The following ADAMTS12 variants were observed in gnomAD, a reference collection of about 807,000 sequenced individuals.
The protein encoded by ADAMTS12 is ADAM metallopeptidase with thrombospondin type 1 motif 12, also known as A disintegrin and metalloproteinase with thrombospondin motifs 12.
In ADAMTS12, 118 loss-of-function variants were observed where a neutral mutation model predicts 167.8. That is an observed-to-expected ratio of 0.70 (90% confidence interval 0.61 to 0.82). The LOEUF is 0.82. Ranked by LOEUF, ADAMTS12 falls within the 40% of genes least tolerant of loss-of-function variation. The pLI, the probability that ADAMTS12 is intolerant of heterozygous loss-of-function variation, is 0.00. For synonymous variants in ADAMTS12, 704 were observed against 716.9 expected, an observed-to-expected ratio of 0.98 and a Z score of 0.29; for missense variants, 1,916 against 1,998.8, an observed-to-expected ratio of 0.96 and a Z score of 0.79.
At chr5:33,563,221 G>T (rs1745832931) in intron 19 of ADAMTS12, among the ~76,000 whole-genome samples, 1 of 152,152 alleles carries the variant, frequency 6.6e-6, no homozygotes, top group South Asian at 2.1e-4. Context: ...ACTATAGATT[G>T]ATAGCACTAA....
chr5:33,564,553 CA>C (rs1197813720), intron 19 of ADAMTS12, among the ~76,000 whole-genome samples: 3 of 152,112 alleles, frequency 2.0e-5, no homozygotes, highest in African/African-American at 4.8e-5. Context: ...ATGTCTTGTG[CA>C]ACAGTGTGTG....
At chr5:33,870,230 G>A (rs1749985602) in intron 2 of ADAMTS12, among the ~76,000 whole-genome samples, 1 of 152,154 alleles carries the variant, frequency 6.6e-6, no homozygotes, top group Admixed American at 6.5e-5. Context: ...ACAGGGTCCT[G>A]AGGCGACATA....
intron 2 of ADAMTS12, among the ~76,000 whole-genome samples, chr5:33,804,737 G>A (rs1747156316): frequency 6.6e-6 from 1 of 152,180 alleles, no homozygotes; most frequent in Admixed American, 6.5e-5. Flanking sequence ...CAGTGAGGTG[G>A]GTGAAGGGTG....
intron 5 of ADAMTS12, among the ~76,000 whole-genome samples, chr5:33,666,395 G>A (rs1741468514): frequency 1.3e-5 from 2 of 152,244 alleles, no homozygotes; most frequent in African/African-American, 4.8e-5. Context: ...GGATGGGGGA[G>A]AGGCTCAGGT....
chr5:33,794,291 CAGG>C (rs1387958565), intron 2 of ADAMTS12, among the ~76,000 whole-genome samples: 1 of 152,202 alleles, frequency 6.6e-6, no homozygotes, highest in Non-Finnish European at 1.5e-5. Flanking sequence ...TCCGGTCCTG[CAGG>C]AGAAGTCCGC....
At chr5:33,736,057 GT>G (rs201311408) in intron 3 of ADAMTS12, among the ~76,000 whole-genome samples, 3,180 of 142,206 alleles carry the variant, frequency 0.022, 129 homozygotes, top group East Asian at 0.17. Flanking sequence ...TTTTTTTGCT[GT>G]TTTTTTTTTT....
rs141640596 is a variant in ADAMTS12 at position 33,833,956 on chromosome 5, T to G, written c.489+47163A>C. 7.2e-5 allele frequency among the ~76,000 whole-genome samples: 11 copies of G among 152,312 alleles called. No individual in the cohort carries two copies. The East Asian group carries it at 1.7e-3, about 24-fold the overall frequency. On this transcript the variant is annotated intron_variant, in intron 2 of 23. Coordinates refer to ENST00000504830, the MANE Select transcript of ADAMTS12 (RefSeq NM_030955.4). Reference sequence around the variant, plus strand: ...ACAGAGTGGCTTAATCAACAAAAATTTATTTTCTCACAGTTTTGGAGGCTG... The same window carrying G: ...ACAGAGTGGCTTAATCAACAAAAATGTATTTTCTCACAGTTTTGGAGGCTG...
intron 20 of ADAMTS12, among the ~76,000 whole-genome samples, chr5:33,556,049 G>C (rs555110031): frequency 6.6e-6 from 1 of 152,350 alleles, no homozygotes; most frequent in East Asian, 1.9e-4. Context: ...ACTTTACCTA[G>C]AGCTCGACGT....
intron 2 of ADAMTS12, among the ~76,000 whole-genome samples, chr5:33,871,549 T>C (rs1236382542): frequency 1.3e-5 from 2 of 151,814 alleles, no homozygotes; most frequent in African/African-American, 4.8e-5. Context: ...CCTGTTTCAA[T>C]ATTTGAAAAA....
chr5:33,712,580 G>A (rs1743442970), intron 3 of ADAMTS12, among the ~76,000 whole-genome samples: 1 of 152,122 alleles, frequency 6.6e-6, no homozygotes, highest in African/African-American at 2.4e-5. Flanking sequence ...ATAGGTTTTA[G>A]GAATGACAGA....
chr5:33,611,824 T>G (rs553019808), intron 16 of ADAMTS12, among the ~76,000 whole-genome samples: 7 of 152,348 alleles, frequency 4.6e-5, no homozygotes, highest in Admixed American at 3.9e-4. Context: ...TGAAAATATG[T>G]GTGTAATGTA....
In ADAMTS12 at chr5:33,615,936, C is replaced by A; in HGVS notation, c.2280G>T (p.Gln760His). 3 of 1,614,158 alleles carry A rather than the reference C, an allele frequency of 1.9e-6. No homozygotes were observed. The highest frequency in any genetic ancestry group is 2.2e-5 in the East Asian group (1 of 44,880). Residue 760 changes from glutamine (Q) to histidine (H), a missense_variant, in exon 15 of 24, where the codon CAG becomes CAT. Coordinates refer to ENST00000504830, the MANE Select transcript of ADAMTS12 (RefSeq NM_030955.4). ...KYYLNGGFII[Q>H]WNGNYKLAGT... ...CTGCCAGCTTATAGTTCCCGTTCCA[C>A]TGGATAATAAACCCTCCATTCAGGT...
intron 2 of ADAMTS12, among the ~76,000 whole-genome samples, chr5:33,836,754 T>C (rs1326844109): frequency 6.6e-6 from 1 of 151,900 alleles, no homozygotes; most frequent in Admixed American, 6.5e-5. Flanking sequence ...AGGTAACAAA[T>C]GTCCGCGCCA....
chr5:33,762,045 A>T (rs1057256148), intron 2 of ADAMTS12, among the ~76,000 whole-genome samples: 8 of 152,104 alleles, frequency 5.3e-5, no homozygotes, highest in Admixed American at 3.9e-4. Flanking sequence ...ATACAACATT[A>T]GTCAGGTGTC....
intron 19 of ADAMTS12, among the ~76,000 whole-genome samples, chr5:33,569,160 G>C (rs1746173772): frequency 1.3e-5 from 2 of 152,244 alleles, no homozygotes; most frequent in Admixed American, 6.5e-5. Context: ...TCCACTTCTG[G>C]GGGCAGGGCA....
At chr5:33,716,520 C>T (rs1743621259) in intron 3 of ADAMTS12, among the ~76,000 whole-genome samples, 1 of 151,946 alleles carries the variant, frequency 6.6e-6, no homozygotes, top group Non-Finnish European at 1.5e-5. Flanking sequence ...TTTGGTGTTT[C>T]CCTCGCTTAT....
chr5:33,826,739 CA>C (rs1347974782), intron 2 of ADAMTS12, among the ~76,000 whole-genome samples: 1 of 151,884 alleles, frequency 6.6e-6, no homozygotes, highest in African/African-American at 2.4e-5. Flanking sequence ...TAATGAAAAA[CA>C]AGTACCAAAT....
intron 23 of ADAMTS12, among the ~76,000 whole-genome samples, chr5:33,529,549 A>T (rs922525764): frequency 1.6e-4 from 24 of 152,228 alleles, no homozygotes; most frequent in African/African-American, 5.8e-4. Context: ...GGGAACAGTC[A>T]GGAAAAGTAG....
intron 3 of ADAMTS12, among the ~76,000 whole-genome samples, chr5:33,732,383 G>C (rs1744224435): frequency 6.6e-6 from 1 of 152,044 alleles, no homozygotes. Context: ...GATGAAAACA[G>C]AAAAAGCATT....
Sources: allele counts gnomAD v4.1 joint callset (sites outside exome capture counted in the v4.1 genomes callset), GRCh38; gene constraint gnomAD v4.1.1; transcripts MANE v1.5; gene names NCBI Gene and HGNC (gene_info 2026-07-23, HGNC 2026-07-21).